Variants in THSD7B observed in about 807,000 individuals in gnomAD.
THSD7B encodes thrombospondin type 1 domain containing 7B.
A neutral mutation model predicts 213.6 loss-of-function variants in THSD7B; 138 were observed. That is an observed-to-expected ratio of 0.65 (90% CI 0.56 to 0.74). THSD7B has a LOEUF of 0.74. Among genes scored for constraint, THSD7B ranks in the 30% least tolerant of loss-of-function variants. THSD7B has a pLI of 0.00. For synonymous variants in THSD7B, 742 were observed against 687.0 expected (o/e 1.08, Z -1.25); for missense variants, 1,931 against 1,991.5 (o/e 0.97, Z 0.58).
chr2:137,059,603 T>TA (rs35788667), intron 3 of THSD7B, among the ~76,000 whole-genome samples: 6 of 152,286 alleles, frequency 3.9e-5, no homozygotes, highest in African/African-American at 9.6e-5. Flanking sequence ...TTTGCCTTTT[T>TA]AAAAAATGTT....
intron 4 of THSD7B, among the ~76,000 whole-genome samples, chr2:137,102,146 A>G (rs548324012): frequency 1.3e-5 from 2 of 152,314 alleles, no homozygotes; most frequent in African/African-American, 2.4e-5. Context: ...GAGAGTTCCA[A>G]CTGGCATCTG....
Position 137,164,500 on chromosome 2 carries a change from TACCA to T in THSD7B, c.1525+4133_1525+4136del, listed in dbSNP as rs565114067. ...TTCCTCAAGGATCTGGAGCTAGAAA[TACCA>T]TTTGACCCAGCCATCCCATTACTGG... On this transcript the variant is annotated intron_variant, in intron 6 of 27. Coordinates refer to ENST00000409968, the MANE Select transcript of THSD7B (RefSeq NM_001316349.2). 8.7e-3 allele frequency among the ~76,000 whole-genome samples: 1,329 copies of T among 152,266 alleles called. 21 individuals carry two copies. Among genetic ancestry groups the T allele is most frequent in the African/African-American group, 0.03 (1,255 of 41,554 alleles).
chr2:137,608,363 C>CT (rs200191662), intron 17 of THSD7B, among the ~76,000 whole-genome samples: 346 of 142,970 alleles, frequency 2.4e-3, no homozygotes, highest in African/African-American at 6.5e-3. Flanking sequence ...CTCTGTGGTG[C>CT]TTTTTTTTTT....
At chr2:136,884,221 A>G (rs1683676883) in intron 2 of THSD7B, among the ~76,000 whole-genome samples, 1 of 152,214 alleles carries the variant, frequency 6.6e-6, no homozygotes, top group African/African-American at 2.4e-5. Flanking sequence ...ATAGAAGGAC[A>G]TTTACAAAAG....
At chr2:137,374,547 G>A (rs1201826150) in intron 12 of THSD7B, among the ~76,000 whole-genome samples, 2 of 152,158 alleles carry the variant, frequency 1.3e-5, no homozygotes, top group Admixed American at 1.3e-4. Context: ...TGTGGAAAAT[G>A]CCTTCTAAGT....
intron 20 of THSD7B, among the ~76,000 whole-genome samples, chr2:137,628,917 C>A (rs1682687821): frequency 1.3e-5 from 2 of 152,174 alleles, no homozygotes; most frequent in Non-Finnish European, 1.5e-5. Context: ...CTCACCTTGG[C>A]ACTTTTCCTT....
intron 3 of THSD7B, among the ~76,000 whole-genome samples, chr2:137,084,207 A>G (rs192393578): frequency 2.0e-5 from 3 of 152,292 alleles, no homozygotes; most frequent in African/African-American, 7.2e-5. Flanking sequence ...GAACATGATA[A>G]AATGAACACA....
At chr2:136,893,557 CTG>C (rs1683901311) in intron 2 of THSD7B, among the ~76,000 whole-genome samples, 1 of 152,088 alleles carries the variant, frequency 6.6e-6, no homozygotes. Context: ...AAACTAAAGA[CTG>C]AACAACAGTA....
At chr2:136,938,780 G>A (rs988545990) in intron 2 of THSD7B, among the ~76,000 whole-genome samples, 1 of 152,170 alleles carries the variant, frequency 6.6e-6, no homozygotes, top group Non-Finnish European at 1.5e-5. Flanking sequence ...CCCAATGGAT[G>A]ATGCCCCCAT....
intron 2 of THSD7B, among the ~76,000 whole-genome samples, chr2:137,037,014 T>C (rs535922984): frequency 2.7e-4 from 41 of 152,332 alleles, no homozygotes; most frequent in African/African-American, 9.9e-4. Context: ...TGTTTCCTGA[T>C]TCAGTAATTT....
At chr2:137,370,434 T>C (rs1308565758) in intron 12 of THSD7B, among the ~76,000 whole-genome samples, 1 of 152,156 alleles carries the variant, frequency 6.6e-6, no homozygotes, top group Non-Finnish European at 1.5e-5. Flanking sequence ...ATTTCAGATT[T>C]AACCATTATC....
chr2:136,949,501 G>T (rs1684999188), intron 2 of THSD7B, among the ~76,000 whole-genome samples: 1 of 152,192 alleles, frequency 6.6e-6, no homozygotes, highest in Admixed American at 6.5e-5. Flanking sequence ...AGCTGGTTCT[G>T]ACTGATCAGA....
Position 137,535,004 on chromosome 2 carries a change from C to G in THSD7B, c.3139-28217C>G, listed in dbSNP as rs534409662. On this transcript the variant is annotated intron_variant, in intron 15 of 27. Transcript: ENST00000409968. ...TATGCATAAAAATCCCTATTTTTCT[C>G]CATTTTTCTCTAAGGCAAATTTCAA... 2.7e-4 allele frequency among the ~76,000 whole-genome samples: 35 copies of G among 130,504 alleles called. 1 individual carries two copies. In the South Asian group the frequency reaches 7.4e-3, roughly 28 times the overall value. The allele number at this position is 130,504 out of a possible 152,430, so 85.6% of individuals were successfully genotyped here.
intron 5 of THSD7B, among the ~76,000 whole-genome samples, chr2:137,121,292 T>G (rs561832632): frequency 6.6e-6 from 1 of 152,164 alleles, no homozygotes; most frequent in Non-Finnish European, 1.5e-5. Context: ...AGAGTCAGGA[T>G]ATTTGAGGAG....
chr2:136,797,462 G>A (rs1008115161), intron 1 of THSD7B, among the ~76,000 whole-genome samples: 4 of 151,964 alleles, frequency 2.6e-5, no homozygotes, highest in East Asian at 1.9e-4. Flanking sequence ...GGCTAGTGAA[G>A]TCTTACTAGT....
At position 137,206,641 on chromosome 2, in the gene THSD7B, G is replaced by A. The variant is rs1298449888; in HGVS notation, c.1724-24403G>A. ...ATATAAGAATTAAACAGGTCCAGGTGGGAATAGAGAAAGACCATAAAGGAT... is the reference window on the plus strand; with the variant it reads ...ATATAAGAATTAAACAGGTCCAGGTAGGAATAGAGAAAGACCATAAAGGAT... On this transcript the variant is annotated intron_variant, in intron 7 of 27. Coordinates refer to ENST00000409968, the MANE Select transcript of THSD7B (RefSeq NM_001316349.2). 3.3e-5 allele frequency among the ~76,000 whole-genome samples: 5 copies of A among 152,000 alleles called. No individual in the cohort carries two copies. The East Asian group carries it at 5.8e-4, about 18-fold the overall frequency.
chr2:137,433,653 C>A (rs185483390), intron 14 of THSD7B, among the ~76,000 whole-genome samples: 76 of 152,278 alleles, frequency 5.0e-4, no homozygotes, highest in Non-Finnish European at 3.5e-4. Context: ...CGTGCCCCAC[C>A]TATTTTTCTA....
At chr2:136,914,877 A>G (rs1684325921) in intron 2 of THSD7B, among the ~76,000 whole-genome samples, 1 of 152,216 alleles carries the variant, frequency 6.6e-6, no homozygotes, top group South Asian at 2.1e-4. Flanking sequence ...ATCAGTGTCT[A>G]TTACATGATA....
chr2:137,622,282 A>T (rs1342082079), intron 20 of THSD7B, among the ~76,000 whole-genome samples: 1 of 152,220 alleles, frequency 6.6e-6, no homozygotes, highest in African/African-American at 2.4e-5. Context: ...TTCAGTAACA[A>T]CTTAGAAGCC....
Sources: gnomAD v4.1 joint callset for allele counts (sites outside exome capture counted in the v4.1 genomes callset) on GRCh38, gnomAD v4.1.1 for gene constraint, MANE v1.5 for transcripts, NCBI Gene and HGNC (gene_info 2026-07-23, HGNC 2026-07-21) for gene names.